ROBO2: variants seen among roughly 807,000 people sequenced by gnomAD.
ROBO2 encodes roundabout guidance receptor 2.
Under a neutral mutation model 160.8 loss-of-function variants are expected in ROBO2, and 53 were observed. The ratio of observed to expected loss-of-function variants is 0.33; its 90% CI spans 0.26 to 0.41. The LOEUF (loss-of-function observed/expected upper bound fraction) is 0.41. Among genes scored for constraint, ROBO2 ranks in the 10% least tolerant of loss-of-function variants. ROBO2 has a pLI of 1.00. For synonymous variants in ROBO2, 664 were observed against 611.7 expected (o/e 1.09, Z -1.26); for missense variants, 1,577 against 1,722.4 (o/e 0.92, Z 1.49).
intron 2 of ROBO2, among the ~76,000 whole-genome samples, chr3:76,821,218 G>A (rs1305868642): frequency 1.3e-5 from 2 of 151,944 alleles, no homozygotes; most frequent in Non-Finnish European, 2.9e-5. Flanking sequence ...ATGTGGGACA[G>A]AATATATATG....
intron 2 of ROBO2, among the ~76,000 whole-genome samples, chr3:76,920,358 T>C (rs1210441250): frequency 1.3e-5 from 2 of 152,210 alleles, no homozygotes; most frequent in African/African-American, 4.8e-5. Context: ...CCATCATGTA[T>C]GTCAAATTTC....
At chr3:76,112,740 T>C (rs2070291374) in intron 2 of ROBO2, among the ~76,000 whole-genome samples, 4 of 152,084 alleles carry the variant, frequency 2.6e-5, no homozygotes, top group Admixed American at 2.0e-4. Flanking sequence ...TTAAATATAA[T>C]AAAATTATGT....
chr3:76,165,050 A>T (rs1254190871), intron 2 of ROBO2, among the ~76,000 whole-genome samples: 5 of 88,056 alleles, frequency 5.7e-5, no homozygotes, highest in African/African-American at 2.1e-4. Flanking sequence ...GACAACATAC[A>T]GTCTACATAT....
At chr3:76,213,777 G>A (rs34973017) in intron 2 of ROBO2, among the ~76,000 whole-genome samples, 50,421 of 151,202 alleles carry the variant, frequency 0.33, 9,246 homozygotes, top group Non-Finnish European at 0.41. Context: ...ATATTTTATC[G>A]TTATTAATTT....
chr3:76,766,749 A>G (rs967677401), intron 2 of ROBO2, among the ~76,000 whole-genome samples: 1 of 151,540 alleles, frequency 6.6e-6, no homozygotes, highest in African/African-American at 2.4e-5. Flanking sequence ...TTATTGGGAT[A>G]AATGGATAAT....
chr3:77,481,262 T>G, intron 4 of ROBO2, 43 bp downstream of exon 4: 1 of 1,449,128 alleles, frequency 6.9e-7, no homozygotes, highest in Admixed American at 2.5e-5. Context: ...TTTTATCAAT[T>G]TTTCTTTGCT....
At chr3:77,620,087 A>G (rs968456839) in intron 22 of ROBO2, among the ~76,000 whole-genome samples, 14 of 152,188 alleles carry the variant, frequency 9.2e-5, no homozygotes, top group African/African-American at 2.9e-4. Context: ...GCAAATACCC[A>G]TAGAGGACAC....
At chr3:76,729,988 T>C (rs1317090966) in intron 2 of ROBO2, among the ~76,000 whole-genome samples, 3 of 152,150 alleles carry the variant, frequency 2.0e-5, no homozygotes, top group Non-Finnish European at 4.4e-5. Flanking sequence ...GAGAGGTTGA[T>C]AGCCTGGTGT....
chr3:77,238,098 G>C (rs1466735266), intron 2 of ROBO2, among the ~76,000 whole-genome samples: 2 of 150,672 alleles, frequency 1.3e-5, no homozygotes. Context: ...TTTTGCTGTT[G>C]AGATTTTAGG....
intron 2 of ROBO2, among the ~76,000 whole-genome samples, chr3:77,219,105 A>G (rs1235836187): frequency 6.6e-6 from 1 of 151,804 alleles, no homozygotes; most frequent in Non-Finnish European, 1.5e-5. Context: ...AGTAGCTGGG[A>G]TTACAGGTGC....
intron 2 of ROBO2, among the ~76,000 whole-genome samples, chr3:76,761,360 G>T (rs982285670): frequency 6.6e-6 from 1 of 151,656 alleles, no homozygotes; most frequent in Non-Finnish European, 1.5e-5. Context: ...TGCATGCAGG[G>T]TGACCATACA....
At chr3:77,436,187 A>T (rs1038948232) in intron 2 of ROBO2, among the ~76,000 whole-genome samples, 16 of 151,642 alleles carry the variant, frequency 1.1e-4, no homozygotes, top group East Asian at 2.0e-4. Flanking sequence ...AAAATCAGAT[A>T]TATTGGGCTG....
intron 5 of ROBO2, among the ~76,000 whole-genome samples, chr3:77,497,397 GA>G (rs1304846943): frequency 6.6e-6 from 1 of 152,102 alleles, no homozygotes; most frequent in East Asian, 1.9e-4. Flanking sequence ...AATTTAAATA[GA>G]AGAAGATGCA....
At chr3:76,940,075 G>A (rs186371517) in intron 2 of ROBO2, among the ~76,000 whole-genome samples, 5 of 143,718 alleles carry the variant, frequency 3.5e-5, no homozygotes, top group Middle Eastern at 3.7e-3. Flanking sequence ...TCCGCCTCCC[G>A]GGTTCACACC....
chr3:76,456,737 C>T (rs545788659), intron 2 of ROBO2, among the ~76,000 whole-genome samples: 11 of 152,184 alleles, frequency 7.2e-5, no homozygotes, highest in Middle Eastern at 3.4e-3. Context: ...CTGGTAAAGA[C>T]GTACCCAAGA....
chr3:76,937,864 A>G (rs2077817927), intron 2 of ROBO2, among the ~76,000 whole-genome samples: 1 of 152,214 alleles, frequency 6.6e-6, no homozygotes, highest in African/African-American at 2.4e-5. Context: ...ACACAGTGTT[A>G]CCGTACCCTC....
intron 1 of ROBO2, among the ~76,000 whole-genome samples, chr3:77,081,157 G>A (rs1258883601): frequency 6.6e-6 from 1 of 152,170 alleles, no homozygotes; most frequent in African/African-American, 2.4e-5. Flanking sequence ...TCCAGTGTTT[G>A]CCTCTGATTG....
chr3:76,457,837 C>A (rs1231107978), intron 2 of ROBO2, among the ~76,000 whole-genome samples: 4 of 152,182 alleles, frequency 2.6e-5, no homozygotes, highest in Non-Finnish European at 5.9e-5. Context: ...GGCTTCCACT[C>A]TCTGAAGCCA....
intron 2 of ROBO2, among the ~76,000 whole-genome samples, chr3:76,436,355 A>G (rs549997853): frequency 3.9e-5 from 6 of 152,286 alleles, no homozygotes; most frequent in Admixed American, 3.9e-4. Flanking sequence ...CCTGCCAGGT[A>G]CCTGTCACCT....
Sources: gnomAD v4.1 joint callset for allele counts (sites outside exome capture counted in the v4.1 genomes callset) on GRCh38, gnomAD v4.1.1 for gene constraint, MANE v1.5 for transcripts, NCBI Gene and HGNC (gene_info 2026-07-23, HGNC 2026-07-21) for gene names.